Variants in CA10 observed in about 807,000 individuals in gnomAD.
CA10 encodes carbonic anhydrase 10 (inactive), also known as carbonic anhydrase-related protein 10.
A neutral mutation model predicts 44.2 loss-of-function variants in CA10; 14 were observed. The ratio of observed to expected loss-of-function variants is 0.32; its 90% CI spans 0.21 to 0.50. CA10 has a LOEUF of 0.50. Ranked by LOEUF, CA10 falls within the 20% of genes least tolerant of loss-of-function variation. The pLI is 0.99. For missense variants in CA10, 350 were observed against 409.7 expected (o/e 0.85, Z 1.26); for synonymous variants, 159 against 141.6 (o/e 1.12, Z -0.87).
In CA10 at chr17:52,052,222, AC is replaced by A. The variant is rs574940466; in HGVS notation, c.136+20096del. ...GGGTGATTAAATAATCTGAACAACA[AC>A]CCCCCATGACATAAGTTTACCTAGG... On this transcript the variant is annotated intron_variant, in intron 2 of 8. Coordinates refer to ENST00000451037, the MANE Select transcript of CA10 (RefSeq NM_020178.5). Among the ~76,000 whole-genome samples, 36 of 149,992 alleles carry A rather than the reference AC, an allele frequency of 2.4e-4. No homozygotes were observed. The South Asian group carries it at 7.5e-3, about 31-fold the overall frequency.
intron 2 of CA10, among the ~76,000 whole-genome samples, chr17:51,938,721 A>G (rs371355332): frequency 4.6e-5 from 7 of 152,280 alleles, no homozygotes; most frequent in African/African-American, 1.7e-4. Flanking sequence ...CACTAAAGGT[A>G]AAGAGAAAGG....
intron 4 of CA10, among the ~76,000 whole-genome samples, chr17:51,701,414 G>A (rs1291106326): frequency 1.1e-4 from 17 of 152,162 alleles, no homozygotes; most frequent in Admixed American, 1.1e-3. Flanking sequence ...ACGTTCAGAG[G>A]TTCTGGGGGT....
chr17:51,959,421 C>T (rs1315647748), intron 2 of CA10, among the ~76,000 whole-genome samples: 1 of 151,358 alleles, frequency 6.6e-6, no homozygotes. Flanking sequence ...GCATAGGGAA[C>T]CTAAAGCCCT....
At chr17:52,083,271 T>A (rs1463842339) in intron 1 of CA10, among the ~76,000 whole-genome samples, 3 of 152,060 alleles carry the variant, frequency 2.0e-5, no homozygotes, top group Admixed American at 6.6e-5. Flanking sequence ...CAAGGCTAAA[T>A]GCAACGAAAA....
At chr17:51,829,244 C>T (rs1908140969) in intron 3 of CA10, among the ~76,000 whole-genome samples, 1 of 152,224 alleles carries the variant, frequency 6.6e-6, no homozygotes, top group South Asian at 2.1e-4. Flanking sequence ...GTCTGGAATC[C>T]TCTAAGCAGC....
Position 51,692,849 on chromosome 17 carries a change from G to A in CA10, c.466-39113C>T, listed in dbSNP as rs1438139075. On this transcript the variant is annotated intron_variant, in intron 4 of 8. Coordinates refer to ENST00000451037, the MANE Select transcript of CA10 (RefSeq NM_020178.5). Reference sequence around the variant, plus strand: ...ATGAATTGACCAGTTTCAACTGGCCGTGACTGGCTTTGACTGGTTTTGAGC... The same window carrying A: ...ATGAATTGACCAGTTTCAACTGGCCATGACTGGCTTTGACTGGTTTTGAGC... Among the ~76,000 whole-genome samples the A allele has an allele frequency of 2.6e-5, 4 of 152,220 alleles. No individual in the cohort carries two copies. In the East Asian group the frequency reaches 5.8e-4, roughly 22 times the overall value.
chr17:51,878,143 C>CAAAAAAAAAA (rs558014863), intron 3 of CA10, among the ~76,000 whole-genome samples: 12 of 63,680 alleles, frequency 1.9e-4, no homozygotes, highest in South Asian at 9.0e-4. Flanking sequence ...GACTCCGTCT[C>CAAAAAAAAAA]AAAAAAAAAA....
intron 1 of CA10, among the ~76,000 whole-genome samples, chr17:52,157,353 C>A (rs1281732307): frequency 6.6e-6 from 1 of 152,068 alleles, no homozygotes; most frequent in Non-Finnish European, 1.5e-5. Flanking sequence ...CAGGAACCAC[C>A]GAGTCTGGGA....
At chr17:52,029,979 G>T (rs765415905) in intron 2 of CA10, among the ~76,000 whole-genome samples, 4 of 152,198 alleles carry the variant, frequency 2.6e-5, no homozygotes, top group African/African-American at 4.8e-5. Flanking sequence ...TACGTCAAGT[G>T]AGGGCATCTG....
intron 3 of CA10, among the ~76,000 whole-genome samples, chr17:51,849,220 CATATATGTGTGTGTAT>C: frequency 4.8e-5 from 1 of 20,724 alleles, no homozygotes; most frequent in Admixed American, 5.0e-4. Flanking sequence ...TATATATATA[CATATATGTGTGTGTAT>C]ATATATATAT....
chr17:52,123,515 G>A (rs1383239719), intron 1 of CA10, among the ~76,000 whole-genome samples: 1 of 152,190 alleles, frequency 6.6e-6, no homozygotes, highest in South Asian at 2.1e-4. Context: ...AATCAGCTAT[G>A]GCAAACAACT....
At chr17:51,702,875 G>A (rs1915646216) in intron 4 of CA10, among the ~76,000 whole-genome samples, 1 of 152,204 alleles carries the variant, frequency 6.6e-6, no homozygotes, top group South Asian at 2.1e-4. Flanking sequence ...AGACCTTGGA[G>A]TAGTAGCAGC....
intron 2 of CA10, among the ~76,000 whole-genome samples, chr17:51,953,027 A>G (rs1485341491): frequency 6.6e-6 from 1 of 152,124 alleles, no homozygotes; most frequent in Non-Finnish European, 1.5e-5. Context: ...CTCCTAAAGT[A>G]TTAGAATTAT....
At chr17:51,976,519 G>T (rs1043559693) in intron 2 of CA10, among the ~76,000 whole-genome samples, 5 of 151,990 alleles carry the variant, frequency 3.3e-5, no homozygotes, top group Non-Finnish European at 7.4e-5. Context: ...AGACAAGGAA[G>T]CCCAATGGAA....
chr17:51,635,178 T>A (rs1246726075), intron 7 of CA10, among the ~76,000 whole-genome samples: 1 of 152,100 alleles, frequency 6.6e-6, no homozygotes, highest in Non-Finnish European at 1.5e-5. Context: ...AAGGGGAAAT[T>A]TGGACACAGA....
intron 3 of CA10, among the ~76,000 whole-genome samples, chr17:51,878,480 G>C (rs530713953): frequency 1.3e-5 from 2 of 152,014 alleles, no homozygotes; most frequent in Non-Finnish European, 2.9e-5. Flanking sequence ...ATCTGTCATA[G>C]GATATTTTTC....
At chr17:51,888,439 A>G (rs1183169349) in intron 3 of CA10, among the ~76,000 whole-genome samples, 1 of 152,234 alleles carries the variant, frequency 6.6e-6, no homozygotes, top group Non-Finnish European at 1.5e-5. Context: ...AATAAGGATT[A>G]CTTTCTATAG....
chr17:51,857,359 T>A (rs1037353651), intron 3 of CA10, among the ~76,000 whole-genome samples: 1 of 152,158 alleles, frequency 6.6e-6, no homozygotes, highest in African/African-American at 2.4e-5. Flanking sequence ...AAAAGGCTGC[T>A]TTACTCCCAC....
At chr17:52,081,755 C>G (rs981517314) in intron 1 of CA10, among the ~76,000 whole-genome samples, 3 of 150,336 alleles carry the variant, frequency 2.0e-5, no homozygotes, top group Admixed American at 1.3e-4. Flanking sequence ...AGCCGAGATC[C>G]CGCCACTGCA....
Sources: gnomAD v4.1 joint callset for allele counts (sites outside exome capture counted in the v4.1 genomes callset) on GRCh38, gnomAD v4.1.1 for gene constraint, MANE v1.5 for transcripts, NCBI Gene and HGNC (gene_info 2026-07-23, HGNC 2026-07-21) for gene names.